Variants in PRMT1 observed in about 807,000 individuals in gnomAD.
PRMT1 encodes the protein protein arginine N-methyltransferase 1.
PRMT1 carries 5 observed loss-of-function variants against 47.4 expected under a neutral mutation model. The observed-to-expected ratio is 0.11, with a 90% CI of 0.06 to 0.22. PRMT1 has a LOEUF of 0.22. Among genes scored for constraint, PRMT1 ranks in the 10% least tolerant of loss-of-function variants. The pLI is 1.00. For synonymous variants in PRMT1, 227 were observed against 204.6 expected, an observed-to-expected ratio of 1.11 and a Z score of -0.94; for missense variants, 249 against 518.4, an observed-to-expected ratio of 0.48 and a Z score of 5.05.
At position 49,686,639 on chromosome 19, in the gene PRMT1, G is replaced by A. The variant is rs181508065; in HGVS notation, c.945G>A (p.Thr315=). 29 of 1,612,150 alleles carry A rather than the reference G, an allele frequency of 1.8e-5. No individual in the cohort carries two copies. The highest frequency in any genetic ancestry group is 3.3e-5 in the Admixed American group (2 of 59,970). Residue 315 remains threonine, a synonymous_variant, in exon 10 of 11, where the codon ACG becomes ACA. Transcript: ENST00000454376. ...PESPYTHWKQ[T]VFYMEDYLTV... Reference sequence around the variant, plus strand: ...CCCCGTACACGCACTGGAAGCAGACGGTGTTCTACATGGAGGACTACCTGA... The same window carrying A: ...CCCCGTACACGCACTGGAAGCAGACAGTGTTCTACATGGAGGACTACCTGA...
At chr19:49,676,194 A>G (rs2082037808), upstream of PRMT1, 1 of 152,232 alleles carries the variant, frequency 6.6e-6, no homozygotes, top group African/African-American at 2.4e-5. Flanking sequence ...GCGGCACGCC[A>G]GAGAGTATAG....
intron 5 of PRMT1, among the ~76,000 whole-genome samples, chr19:49,682,628 C>A (rs2082135696): frequency 6.6e-6 from 1 of 152,158 alleles, no homozygotes; most frequent in East Asian, 1.9e-4. Flanking sequence ...AATGCATTTA[C>A]ATTCTCGTGC....
At chr19:49,677,092 C>A, upstream of PRMT1, 1 of 459,628 alleles carries the variant, frequency 2.2e-6, no homozygotes, top group Non-Finnish European at 3.6e-6. Flanking sequence ...AAACCCCTGA[C>A]CTATGATGGA....
At chr19:49,679,507 G>A (rs1248586896) in intron 1 of PRMT1, 9 of 541,996 alleles carry the variant, frequency 1.7e-5, no homozygotes, top group East Asian at 4.6e-5. Flanking sequence ...GTCAGGAAGT[G>A]TCACCTAATC....
Position 49,685,056 on chromosome 19 carries a change from C to T in PRMT1, c.759+19C>T, listed in dbSNP as rs1268689253. ...CATAAAGGTGAGGGGGTGGGCATGG[C>T]CAGGTGCCCCCTGGGTTGAAACCAA... On this transcript the variant is annotated intron_variant, in intron 8 of 10. Coordinates refer to ENST00000454376, the MANE Select transcript of PRMT1 (RefSeq NM_001536.6). This position sits in a 1 kb window ranked among gnomAD's most constrained non-coding sequence, Gnocchi z 4.7. 6.2e-7 allele frequency: 1 copy of T among 1,613,916 alleles called. No homozygotes were observed. Among genetic ancestry groups the T allele is most frequent in the Non-Finnish European group, 8.5e-7 (1 of 1,179,978 alleles).
rs767125516 is a variant in PRMT1, at chr19:49,685,094, A to C, written c.759+57A>C. 1.2e-6 allele frequency: 2 copies of C among 1,610,568 alleles called. No homozygotes were observed. The highest frequency in any genetic ancestry group is 1.7e-6 in the Non-Finnish European group (2 of 1,178,454). On this transcript the variant is annotated intron_variant, in intron 8 of 10. Transcript: ENST00000454376. This position sits in a 1 kb window ranked among gnomAD's most constrained non-coding sequence, Gnocchi z 4.7. ...GGGTTGAAACCAAAGAGAGGCCATC[A>C]CCTGGCCCTGGCATGGGACTTTGGG...
At position 49,688,125 on chromosome 19, in the gene PRMT1, G is replaced by T. The variant is rs1195155832; in HGVS notation, c.1033-37G>T. 6.9e-6 allele frequency: 11 copies of T among 1,589,200 alleles called. No individual in the cohort carries two copies. Among genetic ancestry groups the T allele is most frequent in the Non-Finnish European group, 9.5e-6 (11 of 1,159,746 alleles). ...CACCCGCCCCCCGCCACCACCTCCT[G>T]GTGGGTTCCGCCCTCATGCCCCACC... is the stretch of plus-strand genomic sequence containing the variant. On this transcript the variant is annotated intron_variant, in intron 10 of 10. Transcript: ENST00000454376. This position sits in a 1 kb window ranked among gnomAD's most constrained non-coding sequence, Gnocchi z 5.3.
intron 9 of PRMT1, among the ~76,000 whole-genome samples, 168 bp downstream of exon 9, chr19:49,686,411 T>C (rs2082205095): frequency 6.6e-6 from 1 of 152,036 alleles, no homozygotes; most frequent in Non-Finnish European, 1.5e-5. Flanking sequence ...GTGACCTGAG[T>C]GTGCAGTGCC....
chr19:49,682,779 A>ATTTT (rs58218406), intron 5 of PRMT1, among the ~76,000 whole-genome samples: 17 of 70,982 alleles, frequency 2.4e-4, no homozygotes, highest in Admixed American at 4.5e-4. Flanking sequence ...CATCCCCAGC[A>ATTTT]TTTTTTTTTT....
chr19:49,684,104 G>A lies in PRMT1; in HGVS notation c.555+35G>A, dbSNP rs756932500. 8 of 1,611,900 alleles carry A rather than the reference G, an allele frequency of 5.0e-6. No individual in the cohort carries two copies. In the Admixed American group the frequency reaches 5.0e-5, roughly 10 times the overall value. The stretch of plus-strand genomic sequence containing the variant: ...CAGCGGGACGGGTGCAGCTCGCGTG[G>A]GCTGGGGTCCAGGTAGAAGACGAAA... On this transcript the variant is annotated intron_variant, in intron 6 of 10. Coordinates refer to ENST00000454376, the MANE Select transcript of PRMT1 (RefSeq NM_001536.6). The surrounding 1 kb of genome is among the most constrained non-coding windows in gnomAD (Gnocchi z 6.2).
chr19:49,676,904 C>A (rs1435392850), upstream of PRMT1, among the ~76,000 whole-genome samples: 1 of 152,086 alleles, frequency 6.6e-6, no homozygotes, highest in Non-Finnish European at 1.5e-5. Context: ...ACAGGTGTTT[C>A]AAGACGCCCC....
upstream of PRMT1, chr19:49,676,222 A>G (rs1361894377): frequency 6.6e-6 from 1 of 152,294 alleles, no homozygotes; most frequent in Non-Finnish European, 1.5e-5. Context: ...GGAGGCCCAG[A>G]AACCAAAGAG....
At position 49,683,920 on chromosome 19, in the gene PRMT1, C is replaced by T; in HGVS notation, c.413-7C>T. 6.2e-7 allele frequency: 1 copy of T among 1,611,584 alleles called. No homozygotes were observed. Among genetic ancestry groups the T allele is most frequent in the Non-Finnish European group, 8.5e-7 (1 of 1,178,936 alleles). On this transcript the variant is annotated splice_region_variant and splice_polypyrimidine_tract_variant and intron_variant, in intron 5 of 10. Transcript: ENST00000454376. ...GGGCTGACGTGGCCACCCTTGTCCG[C>T]CCGCAGTGGTGACCATCATCAAGGG...
intron 5 of PRMT1, among the ~76,000 whole-genome samples, chr19:49,683,253 C>T (rs777661263): frequency 3.3e-4 from 50 of 151,514 alleles, no homozygotes; most frequent in Non-Finnish European, 5.6e-4. Flanking sequence ...TTATAATGAA[C>T]GCACGAGTCC....
At chr19:49,683,162 A>G (rs2082145925) in intron 5 of PRMT1, among the ~76,000 whole-genome samples, 1 of 150,684 alleles carries the variant, frequency 6.6e-6, no homozygotes, top group South Asian at 2.1e-4. Context: ...CAGGTGATCC[A>G]TCCACTTTGG....
chr19:49,683,641 T>C (rs1274390097), intron 5 of PRMT1: 1 of 283,806 alleles, frequency 3.5e-6, no homozygotes, highest in Non-Finnish European at 6.4e-6. Flanking sequence ...TGAGCTGAGA[T>C]CACGCCACTG....
At position 49,685,119 on chromosome 19, in the gene PRMT1, G is replaced by A; in HGVS notation, c.759+82G>A. 1 of 1,591,160 alleles carries A rather than the reference G, an allele frequency of 6.3e-7. No individual in the cohort carries two copies. The highest frequency in any genetic ancestry group is 8.6e-7 in the Non-Finnish European group (1 of 1,168,778). ...ACCTGGCCCTGGCATGGGACTTTGG[G>A]GCCCAGAATGTTGGCCTGAGGTCTC... On this transcript the variant is annotated intron_variant, in intron 8 of 10. Coordinates refer to ENST00000454376, the MANE Select transcript of PRMT1 (RefSeq NM_001536.6). This position sits in a 1 kb window ranked among gnomAD's most constrained non-coding sequence, Gnocchi z 4.7.
chr19:49,687,229 C>G (rs1351361042), intron 10 of PRMT1, among the ~76,000 whole-genome samples: 3 of 152,052 alleles, frequency 2.0e-5, no homozygotes, highest in African/African-American at 4.8e-5. Flanking sequence ...TTGGCAGGAG[C>G]TGCCATCACC....
chr19:49,685,754 G>C lies in PRMT1; in HGVS notation c.760-339G>C. On this transcript the variant is annotated intron_variant, in intron 8 of 10. Transcript: ENST00000454376. This position sits in a 1 kb window ranked among gnomAD's most constrained non-coding sequence, Gnocchi z 4.7. ...GGTTTAGGTTGGCATTTGTGTTGCC[G>C]TTTGAAGCCATCATGTTGTTGGACT... 9.1e-7 allele frequency: 1 copy of C among 1,102,394 alleles called. No homozygotes were observed. Among genetic ancestry groups the C allele is most frequent in the South Asian group, 2.9e-5 (1 of 34,774 alleles). The allele number at this position is 1,102,394 out of a possible 1,614,324, so 68.3% of individuals were successfully genotyped here.
Sources: allele counts gnomAD v4.1 joint callset (sites outside exome capture counted in the v4.1 genomes callset), GRCh38; gene constraint gnomAD v4.1.1; non-coding constraint Gnocchi (gnomAD v3.1); transcripts MANE v1.5; gene names NCBI Gene and HGNC (gene_info 2026-07-23, HGNC 2026-07-21).